Variants in MDGA2 observed in about 807,000 individuals in gnomAD.
MDGA2 encodes MAM domain containing glycosylphosphatidylinositol anchor 2.
A neutral mutation model predicts 117.8 loss-of-function variants in MDGA2; 40 were observed. The observed-to-expected ratio is 0.34, with a 90% CI of 0.26 to 0.44. The LOEUF is 0.44. Ranked by LOEUF, MDGA2 falls within the 20% of genes least tolerant of loss-of-function variation. The probability of loss-of-function intolerance (pLI) is 1.00; values close to 1 mark genes in which losing one functional copy is unlikely to be tolerated. For synonymous variants in MDGA2, 452 were observed against 439.0 expected (o/e 1.03, Z -0.37); for missense variants, 1,123 against 1,250.6 (o/e 0.90, Z 1.54).
intron 3 of MDGA2, among the ~76,000 whole-genome samples, chr14:47,168,284 C>CAAAAAA (rs563280796): frequency 1.7e-5 from 1 of 60,192 alleles, no homozygotes; most frequent in Non-Finnish European, 3.3e-5. Context: ...AACTCCATCT[C>CAAAAAA]AAAAAAAAAA....
chr14:47,623,792 A>G (rs1184219961), intron 1 of MDGA2, among the ~76,000 whole-genome samples: 1 of 152,234 alleles, frequency 6.6e-6, no homozygotes, highest in Non-Finnish European at 1.5e-5. Context: ...AACCCAAACT[A>G]TTACCCCTTT....
At chr14:47,359,215 G>A (rs771555747) in intron 1 of MDGA2, among the ~76,000 whole-genome samples, 4 of 152,030 alleles carry the variant, frequency 2.6e-5, no homozygotes, top group African/African-American at 4.8e-5. Flanking sequence ...TTAGCTGGGC[G>A]TGGTGGCACG....
At chr14:47,446,043 G>A (rs1223384913) in intron 1 of MDGA2, among the ~76,000 whole-genome samples, 2 of 152,084 alleles carry the variant, frequency 1.3e-5, no homozygotes, top group Non-Finnish European at 2.9e-5. Flanking sequence ...CTGCAAAATT[G>A]TTTAACTATT....
intron 6 of MDGA2, among the ~76,000 whole-genome samples, chr14:47,076,611 T>G (rs1205323505): frequency 6.6e-6 from 1 of 151,744 alleles, no homozygotes; most frequent in African/African-American, 2.4e-5. Flanking sequence ...TAAGCATTAT[T>G]TTTTAAAAAC....
At chr14:47,506,467 C>T (rs538479726) in intron 1 of MDGA2, among the ~76,000 whole-genome samples, 2 of 152,148 alleles carry the variant, frequency 1.3e-5, no homozygotes, top group East Asian at 3.9e-4. Flanking sequence ...AAATTGCTTG[C>T]CCCGGACTTC....
chr14:46,990,899 C>T (rs9323123), intron 8 of MDGA2, among the ~76,000 whole-genome samples: 44,317 of 146,194 alleles, frequency 0.3, 7,229 homozygotes, highest in African/African-American at 0.39. Flanking sequence ...CACACACACA[C>T]ACCCCGCGTA....
chr14:47,022,366 AC>A (rs1888317589), intron 8 of MDGA2, among the ~76,000 whole-genome samples: 1 of 152,232 alleles, frequency 6.6e-6, no homozygotes, highest in African/African-American at 2.4e-5. Context: ...GGTATGAGCC[AC>A]CACACCCAGC....
In MDGA2 at chr14:46,918,760, C is replaced by CTTTTTTTTTTTTTTTTT. The variant is rs34958634; in HGVS notation, c.2238+1235_2238+1251dup. On this transcript the variant is annotated intron_variant, in intron 10 of 16. Coordinates refer to ENST00000399232, the MANE Select transcript of MDGA2 (RefSeq NM_001113498.3). ...TAAGAATATGCTACATACAGTGTAT[C>CTTTTTTTTTTTTTTTTT]TTTTTTTTTTTTTTTTTGGAATCGG... Among the ~76,000 whole-genome samples, 461 of 124,608 alleles carry CTTTTTTTTTTTTTTTTT rather than the reference C, an allele frequency of 3.7e-3. 7 individuals are homozygous for CTTTTTTTTTTTTTTTTT. The highest frequency in any genetic ancestry group is 5.4e-3 in the Non-Finnish European group (334 of 61,618). The allele number at this position is 124,608 out of a possible 152,430, so 81.7% of individuals were successfully genotyped here.
intron 1 of MDGA2, among the ~76,000 whole-genome samples, chr14:47,558,640 G>C (rs1566514228): frequency 1.3e-5 from 2 of 152,146 alleles, no homozygotes; most frequent in Admixed American, 1.3e-4. Context: ...TGTCCATCTT[G>C]ACAAGTTTTC....
intron 8 of MDGA2, among the ~76,000 whole-genome samples, chr14:46,966,175 T>G (rs1279519917): frequency 6.6e-6 from 1 of 152,152 alleles, no homozygotes; most frequent in East Asian, 1.9e-4. Context: ...TATCTTTTTA[T>G]AACAATAACC....
chr14:47,632,322 T>A (rs531433652), intron 1 of MDGA2, among the ~76,000 whole-genome samples: 256 of 152,308 alleles, frequency 1.7e-3, no homozygotes, highest in Middle Eastern at 0.01. Context: ...AAACATCCAA[T>A]CATTGAGTCC....
At chr14:47,167,398 T>A (rs1883929112) in intron 3 of MDGA2, among the ~76,000 whole-genome samples, 1 of 152,156 alleles carries the variant, frequency 6.6e-6, no homozygotes. Flanking sequence ...TTATAAAGGC[T>A]CTGCTGTGGG....
At chr14:47,503,845 T>G (rs1012720269) in intron 1 of MDGA2, among the ~76,000 whole-genome samples, 3 of 152,202 alleles carry the variant, frequency 2.0e-5, no homozygotes. Context: ...TGACATTTAC[T>G]TTCTCCTTTT....
intron 2 of MDGA2, among the ~76,000 whole-genome samples, chr14:47,221,474 G>A (rs1886298037): frequency 6.6e-6 from 1 of 152,160 alleles, no homozygotes; most frequent in Non-Finnish European, 1.5e-5. Flanking sequence ...GGATCACGAG[G>A]TCAGGAGATC....
intron 2 of MDGA2, among the ~76,000 whole-genome samples, chr14:47,249,143 G>A (rs1887357955): frequency 6.6e-6 from 1 of 150,924 alleles, no homozygotes; most frequent in Non-Finnish European, 1.5e-5. Flanking sequence ...TCAGCCCCCC[G>A]AGTAGATGGG....
At chr14:47,170,909 T>A (rs558427993) in intron 3 of MDGA2, among the ~76,000 whole-genome samples, 1 of 152,306 alleles carries the variant, frequency 6.6e-6, no homozygotes, top group East Asian at 1.9e-4. Flanking sequence ...TGTGATTTTT[T>A]AATTGACATA....
chr14:47,133,106 G>GT (rs961054226), intron 4 of MDGA2, among the ~76,000 whole-genome samples: 2 of 145,990 alleles, frequency 1.4e-5, no homozygotes, highest in Non-Finnish European at 3.0e-5. Context: ...TTCCTCAGTG[G>GT]TAAAAAAAAA....
intron 6 of MDGA2, among the ~76,000 whole-genome samples, chr14:47,068,415 A>ATAT (rs201807202): frequency 1.3e-4 from 19 of 144,582 alleles, no homozygotes; most frequent in South Asian, 2.2e-4. Flanking sequence ...TAAGAAAAAA[A>ATAT]AAATATATAT....
At chr14:46,909,096 T>A (rs758879423) in intron 10 of MDGA2, among the ~76,000 whole-genome samples, 4 of 152,192 alleles carry the variant, frequency 2.6e-5, no homozygotes, top group Non-Finnish European at 2.9e-5. Flanking sequence ...AACTATACGC[T>A]TCATGAGATC....
Sources: gnomAD v4.1 joint callset for allele counts (sites outside exome capture counted in the v4.1 genomes callset) on GRCh38, gnomAD v4.1.1 for gene constraint, MANE v1.5 for transcripts, NCBI Gene and HGNC (gene_info 2026-07-23, HGNC 2026-07-21) for gene names.